The following PTPN12 variants were observed in gnomAD, a reference collection of about 807,000 sequenced individuals.
PTPN12 encodes tyrosine-protein phosphatase non-receptor type 12.
PTPN12 carries 29 observed loss-of-function variants against 97.6 expected under a neutral mutation model. That is an observed-to-expected ratio of 0.30 (90% CI 0.22 to 0.41). PTPN12 has a LOEUF of 0.41. PTPN12 is among the 10% of genes least tolerant of loss of function. The pLI is 1.00. For synonymous variants in PTPN12, 327 were observed against 300.4 expected (o/e 1.09, Z -0.91); for missense variants, 819 against 926.0 (o/e 0.88, Z 1.50).
chr7:77,605,413 T>TTTTTTTG (rs1788332403), intron 8 of PTPN12, among the ~76,000 whole-genome samples: 1 of 104,288 alleles, frequency 9.6e-6, no homozygotes, highest in African/African-American at 4.0e-5. Context: ...TCATGAGTTT[T>TTTTTTTG]TTTTTTTTTT....
intron 2 of PTPN12, among the ~76,000 whole-genome samples, chr7:77,575,501 G>C (rs1787312596): frequency 6.6e-6 from 1 of 152,082 alleles, no homozygotes; most frequent in African/African-American, 2.4e-5. Flanking sequence ...GAGCGAGACT[G>C]TCTCAAAAAA....
Position 77,600,645 on chromosome 7 carries a change from CT to C in PTPN12, c.553-16del, listed in dbSNP as rs1217675197. On this transcript the variant is annotated intron_variant, in intron 7 of 17. Coordinates refer to ENST00000248594, the MANE Select transcript of PTPN12 (RefSeq NM_002835.4). ...TGCAAAGTATTTTCATAATTGTTGA[CT>C]TTCTGTTTTTCTTGAAGGAATCTCG... is the stretch of plus-strand genomic sequence containing the variant. The C allele has an allele frequency of 3.8e-6, 6 of 1,561,078 alleles. No individual in the cohort carries two copies. Among genetic ancestry groups the C allele is most frequent in the Non-Finnish European group, 5.2e-6 (6 of 1,156,552 alleles).
rs1439843370 is a variant in PTPN12, at chr7:77,537,978, C to G, written c.99+333C>G. 8.7e-5 allele frequency: 67 copies of G among 768,522 alleles called. No individual in the cohort carries two copies. The South Asian group carries it at 1.1e-3, about 13-fold the overall frequency. 47.6% of individuals were successfully genotyped at this position (768,522 alleles called of 1,614,324 possible). ...AGCCGTAGGCAAGTGAGGTGCAGGC[C>G]GGGGGGGGGGGCTCGCGTTTCCACA... On this transcript the variant is annotated intron_variant, in intron 1 of 17. Transcript: ENST00000248594.
chr7:77,613,179 T>A (rs1367606803), intron 11 of PTPN12, among the ~76,000 whole-genome samples: 1 of 136,262 alleles, frequency 7.3e-6, no homozygotes, highest in African/African-American at 2.8e-5. Flanking sequence ...TTTTTTTTTT[T>A]TTTTTTTTTT....
chr7:77,592,485 T>C (rs909492462), intron 6 of PTPN12: 6 of 407,654 alleles, frequency 1.5e-5, no homozygotes, highest in African/African-American at 1.3e-4. Context: ...GATTGTGTGT[T>C]AGTCTTTGTA....
At chr7:77,579,859 G>A (rs1392465327) in intron 2 of PTPN12, among the ~76,000 whole-genome samples, 1 of 152,162 alleles carries the variant, frequency 6.6e-6, no homozygotes, top group Non-Finnish European at 1.5e-5. Flanking sequence ...ACAATCCTTT[G>A]CATAATTCAA....
chr7:77,621,682 T>C (rs1788945099), intron 12 of PTPN12, among the ~76,000 whole-genome samples: 1 of 150,804 alleles, frequency 6.6e-6, no homozygotes, highest in African/African-American at 2.5e-5. Flanking sequence ...AAAAAAAAAG[T>C]ACATAAGCCA....
chr7:77,588,138 T>C (rs1442576712), intron 5 of PTPN12, among the ~76,000 whole-genome samples: 1 of 152,246 alleles, frequency 6.6e-6, no homozygotes, highest in African/African-American at 2.4e-5. Flanking sequence ...TTTTCCTTTT[T>C]GTTCTAAACT....
intron 12 of PTPN12, among the ~76,000 whole-genome samples, chr7:77,625,470 T>TCGCTTG (rs1554326583): frequency 1.3e-4 from 6 of 45,052 alleles, no homozygotes; most frequent in African/African-American, 7.5e-4. Context: ...CCCAGGCTGC[T>TCGCTTG]CGCTCTCTCT....
At chr7:77,576,841 C>G (rs1391773716) in intron 2 of PTPN12, among the ~76,000 whole-genome samples, 1 of 152,192 alleles carries the variant, frequency 6.6e-6, no homozygotes, top group Non-Finnish European at 1.5e-5. Flanking sequence ...GTCACAGGAG[C>G]TAAGGGTGCC....
intron 1 of PTPN12, among the ~76,000 whole-genome samples, chr7:77,553,895 TA>T (rs1364774163): frequency 7.0e-6 from 1 of 142,512 alleles, no homozygotes; most frequent in Non-Finnish European, 1.6e-5. Flanking sequence ...TTTGCAGTTT[TA>T]ATTCAAAATA....
At chr7:77,598,463 C>T (rs1490496309) in intron 7 of PTPN12, among the ~76,000 whole-genome samples, 3 of 152,152 alleles carry the variant, frequency 2.0e-5, no homozygotes, top group African/African-American at 7.2e-5. Flanking sequence ...GGGTTGGTCA[C>T]TTGAGGCCAG....
intron 1 of PTPN12, among the ~76,000 whole-genome samples, chr7:77,561,994 G>A (rs570364504): frequency 2.2e-3 from 338 of 151,406 alleles, no homozygotes; most frequent in Middle Eastern, 0.01. Context: ...GTTTCACCGT[G>A]TTAGCCAGGA....
chr7:77,588,817 A>G (rs192190321), intron 5 of PTPN12, among the ~76,000 whole-genome samples: 1 of 152,290 alleles, frequency 6.6e-6, no homozygotes, highest in African/African-American at 2.4e-5. Flanking sequence ...GAACAAGTGG[A>G]AATACATTTT....
chr7:77,587,357 C>T (rs182900718), intron 5 of PTPN12, among the ~76,000 whole-genome samples: 3 of 151,142 alleles, frequency 2.0e-5, no homozygotes, highest in East Asian at 1.9e-4. Context: ...TGACCAGGTG[C>T]GTTGTAAACG....
At chr7:77,616,804 A>T (rs1051160107) in intron 11 of PTPN12, among the ~76,000 whole-genome samples, 1 of 151,846 alleles carries the variant, frequency 6.6e-6, no homozygotes, top group African/African-American at 2.4e-5. Context: ...TTTTTTTGAG[A>T]CGGAGTCTTG....
intron 1 of PTPN12, among the ~76,000 whole-genome samples, chr7:77,560,569 A>C (rs1807951585): frequency 6.6e-6 from 1 of 151,950 alleles, no homozygotes; most frequent in Non-Finnish European, 1.5e-5. Context: ...CCTTCCTCCA[A>C]CCTGTAGCAC....
intron 1 of PTPN12, among the ~76,000 whole-genome samples, chr7:77,557,634 C>A (rs961779309): frequency 1.3e-5 from 2 of 152,046 alleles, no homozygotes; most frequent in East Asian, 3.9e-4. Context: ...GCAATTAGGA[C>A]TCTTAAAAGG....
At position 77,618,568 on chromosome 7, in the gene PTPN12, A is replaced by G; in HGVS notation, c.1025+3A>G. ...CCAAAACCACCAAGGACCCGCAGGTATTGTATGTCTTCGAACATTTTCTTT... is the reference window on the plus strand; with the variant it reads ...CCAAAACCACCAAGGACCCGCAGGTGTTGTATGTCTTCGAACATTTTCTTT... On this transcript the variant is annotated splice_donor_region_variant and intron_variant, in intron 12 of 17. Coordinates refer to ENST00000248594, the MANE Select transcript of PTPN12 (RefSeq NM_002835.4). The G allele has an allele frequency of 3.2e-6, 5 of 1,584,824 alleles. No homozygotes were observed. The highest frequency in any genetic ancestry group is 4.3e-6 in the Non-Finnish European group (5 of 1,155,446).
Sources: allele counts gnomAD v4.1 joint callset (sites outside exome capture counted in the v4.1 genomes callset), GRCh38; gene constraint gnomAD v4.1.1; transcripts MANE v1.5; gene names NCBI Gene and HGNC (gene_info 2026-07-23, HGNC 2026-07-21).